Variants in BTNL9 observed in about 807,000 individuals in gnomAD.
The protein encoded by BTNL9 is butyrophilin-like protein 9.
In BTNL9, 45 loss-of-function variants were observed where a neutral mutation model predicts 45.8. The ratio of observed to expected loss-of-function variants is 0.98; its 90% CI spans 0.77 to 1.26. The LOEUF is 1.26. Ranked by LOEUF, BTNL9 falls within the 50% of genes most tolerant of loss-of-function variation. The pLI is 0.00. For missense variants in BTNL9, 784 were observed against 729.7 expected, an observed-to-expected ratio of 1.07 and a Z score of -0.86; for synonymous variants, 346 against 330.8, an observed-to-expected ratio of 1.05 and a Z score of -0.50.
rs990760934 is a variant in BTNL9, at chr5:181,042,051, C to G, written c.-24+1619C>G. ...AAACATCAGGGTTGTTTAGGAATTG[C>G]AGGTGCAGGAGGAGAGAACAGGAGT... On this transcript the variant is annotated intron_variant, in intron 1 of 10. Transcript: ENST00000327705. This position sits in a 1 kb window ranked among gnomAD's most constrained non-coding sequence, Gnocchi z 4.5. 7.9e-5 allele frequency among the ~76,000 whole-genome samples: 12 copies of G among 152,112 alleles called. No homozygotes were observed. Among genetic ancestry groups the G allele is most frequent in the African/African-American group, 2.7e-4 (11 of 41,422 alleles).
Position 181,055,758 on chromosome 5 carries a change from G to A in BTNL9, c.929-231G>A. ...CACTCCAGCCTGGGCGACAGAGCGA[G>A]ACTCTGTCTCAAAAAAAAAAAGAAC... On this transcript the variant is annotated intron_variant, in intron 8 of 10. Transcript: ENST00000327705. The surrounding 1 kb of genome is among the most constrained non-coding windows in gnomAD (Gnocchi z 4.4). 2 of 710,244 alleles carry A rather than the reference G, an allele frequency of 2.8e-6. No individual in the cohort carries two copies. The highest frequency in any genetic ancestry group is 5.1e-6 in the Non-Finnish European group (2 of 392,314). The allele number at this position is 710,244 out of a possible 1,614,324, so 44.0% of individuals were successfully genotyped here. A position where few individuals can be genotyped will look rare whatever the true frequency, so the allele number is the denominator to read the frequency against.
In BTNL9 at chr5:181,059,916, A is replaced by G; in HGVS notation, c.*54A>G. On this transcript the variant is annotated 3_prime_UTR_variant, in exon 11 of 11. Transcript: ENST00000327705. Reference sequence around the variant, plus strand: ...CGGGGGGCCCCCTGGATCCCAGGCCAGCGCTTTGCTCTCCTGCTCCGTCTG... The same window carrying G: ...CGGGGGGCCCCCTGGATCCCAGGCCGGCGCTTTGCTCTCCTGCTCCGTCTG... 7.0e-7 allele frequency: 1 copy of G among 1,435,000 alleles called. No individual in the cohort carries two copies. The highest frequency in any genetic ancestry group is 9.3e-7 in the Non-Finnish European group (1 of 1,079,598). 88.9% of individuals were successfully genotyped at this position (1,435,000 alleles called of 1,614,324 possible).
chr5:181,053,752 T>G lies in BTNL9; in HGVS notation c.886+251T>G. 6.6e-7 allele frequency: 1 copy of G among 1,513,952 alleles called. No homozygotes were observed. The highest frequency in any genetic ancestry group is 1.4e-5 in the African/African-American group (1 of 72,382). The allele number at this position is 1,513,952 out of a possible 1,614,324, so 93.8% of individuals were successfully genotyped here. On this transcript the variant is annotated intron_variant, in intron 6 of 10. Transcript: ENST00000327705. The surrounding 1 kb of genome is among the most constrained non-coding windows in gnomAD (Gnocchi z 6.5). ...TGTCAGGGTTGACCGGCTGCTGTCG[T>G]TACGCCCTCGGAGCTTCACATCACA...
At position 181,048,270 on chromosome 5, in the gene BTNL9, A is replaced by G; in HGVS notation, c.453A>G (p.Ala151=). The G allele has an allele frequency of 1.2e-6, 2 of 1,607,896 alleles. No homozygotes were observed. Among genetic ancestry groups the G allele is most frequent in the South Asian group, 1.1e-5 (1 of 90,580 alleles). Residue 151 remains alanine, a splice_region_variant and synonymous_variant, in exon 3 of 11, where the codon GCA becomes GCG. Coordinates refer to ENST00000327705, the MANE Select transcript of BTNL9 (RefSeq NM_152547.5). The part of the protein sequence containing the change: ...SGEALWELEV[A]GLGSDPHLSL... Reference sequence around the variant, plus strand: ...AAGCTCTCTGGGAACTGGAGGTAGCAGGTGCGTGGACTGACCTAAGGCCCT... The same window carrying G: ...AAGCTCTCTGGGAACTGGAGGTAGCGGGTGCGTGGACTGACCTAAGGCCCT...
intron 3 of BTNL9, among the ~76,000 whole-genome samples, chr5:181,049,734 GAGA>G (rs1237399655): frequency 6.6e-6 from 1 of 152,180 alleles, no homozygotes; most frequent in African/African-American, 2.4e-5. Flanking sequence ...GGGAATTCAA[GAGA>G]AGGAGAAGAG....
Position 181,059,523 on chromosome 5 carries a change from G to A in BTNL9, c.1269G>A (p.Gly423=). 6.2e-7 allele frequency: 1 copy of A among 1,604,818 alleles called. No homozygotes were observed. Among genetic ancestry groups the A allele is most frequent in the Non-Finnish European group, 8.5e-7 (1 of 1,177,950 alleles). The part of the protein sequence containing the change: ...LSPAAGYWVL[G]LWNGCEYFVL... ...CTGCGGCCGGCTACTGGGTGCTGGG[G>A]CTGTGGAACGGCTGCGAGTACTTCG... The change falls in exon 11 of 11, where the codon GGG becomes GGA. Residue 423 remains glycine, a synonymous_variant. Transcript: ENST00000327705.
rs1487619610 is a variant in BTNL9 at position 181,050,410 on chromosome 5, T to A, written c.736+41T>A. On this transcript the variant is annotated intron_variant, in intron 4 of 10. Transcript: ENST00000327705. This position sits in a 1 kb window ranked among gnomAD's most constrained non-coding sequence, Gnocchi z 4.9. The stretch of plus-strand genomic sequence containing the variant: ...CTCACACCCATCTTCCTAGTCCTCA[T>A]GTGTACATACACATTGGCCCAAAGG... 1.9e-6 allele frequency: 3 copies of A among 1,601,442 alleles called. No individual in the cohort carries two copies. The highest frequency in any genetic ancestry group is 2.6e-6 in the Non-Finnish European group (3 of 1,172,420).
rs1228692728 is a variant in BTNL9 at position 181,059,355 on chromosome 5, C to T, written c.1101C>T (p.Phe367=). 5.2e-6 allele frequency: 8 copies of T among 1,542,196 alleles called. No individual in the cohort carries two copies. The Admixed American group carries it at 9.8e-5, about 19-fold the overall frequency. Residue 367 remains phenylalanine, a synonymous_variant, in exon 11 of 11, where the codon TTC becomes TTT. Transcript: ENST00000327705. The part of the protein sequence containing the change: ...PGPAPGHPQR[F]SEQTCALSLE... ...CGGCGCCTGGCCACCCGCAGCGGTT[C>T]TCGGAGCAGACGTGCGCGCTGAGCC...
At chr5:181,056,659 T>A (rs1761900868) in intron 9 of BTNL9, 1 of 716,310 alleles carries the variant, frequency 1.4e-6, no homozygotes, top group South Asian at 1.5e-5. Context: ...GAGATTTCTC[T>A]GGGGTATATA....
Position 181,045,155 on chromosome 5 carries a change from A to G in BTNL9, c.-23-312A>G, listed in dbSNP as rs192222000. ...AAGGGGGGGCGCTGAGCCCCCACAC[A>G]TTGTGTGGCTCTATTCCTGGCTCTA... On this transcript the variant is annotated intron_variant, in intron 1 of 10. Transcript: ENST00000327705. 1.3e-3 allele frequency among the ~76,000 whole-genome samples: 202 copies of G among 152,340 alleles called. 1 individual carries two copies. Among genetic ancestry groups the G allele is most frequent in the African/African-American group, 4.4e-3 (184 of 41,570 alleles).
chr5:181,057,818 T>C (rs1403452168), intron 9 of BTNL9, among the ~76,000 whole-genome samples: 3 of 152,230 alleles, frequency 2.0e-5, no homozygotes, highest in Admixed American at 6.5e-5. Flanking sequence ...TATCTGGAGC[T>C]CTGAGAACGT....
intron 3 of BTNL9, among the ~76,000 whole-genome samples, chr5:181,048,659 C>A (rs1405390144): frequency 2.0e-5 from 3 of 149,832 alleles, no homozygotes; most frequent in Non-Finnish European, 4.4e-5. Flanking sequence ...GATCTGGCTG[C>A]AGTGAGCTTG....
At chr5:181,041,824 T>C (rs747841586) in intron 1 of BTNL9, among the ~76,000 whole-genome samples, 35 of 152,258 alleles carry the variant, frequency 2.3e-4, no homozygotes, top group South Asian at 2.1e-4. Flanking sequence ...TTTCATTTGA[T>C]GCTTTTCTTG....
rs759980197 is a variant in BTNL9 at position 181,053,321 on chromosome 5, C to G, written c.853+5C>G. 2.7e-4 allele frequency: 410 copies of G among 1,544,778 alleles called. No individual in the cohort carries two copies. The highest frequency in any genetic ancestry group is 3.3e-4 in the Non-Finnish European group (377 of 1,147,250). On this transcript the variant is annotated splice_donor_5th_base_variant and intron_variant, in intron 5 of 10. Transcript: ENST00000327705. The surrounding 1 kb of genome is among the most constrained non-coding windows in gnomAD (Gnocchi z 6.5). Reference sequence around the variant, plus strand: ...GGAAGCAGCGGAGAAGCCGAGGTACCGGCGCGGGCGGCGGGGCGGGGAGGG... The same window carrying G: ...GGAAGCAGCGGAGAAGCCGAGGTACGGGCGCGGGCGGCGGGGCGGGGAGGG...
rs930669905 is a variant in BTNL9, at chr5:181,053,461, C to G, written c.854-8C>G. On this transcript the variant is annotated splice_polypyrimidine_tract_variant and splice_region_variant and intron_variant, in intron 5 of 10. Coordinates refer to ENST00000327705, the MANE Select transcript of BTNL9 (RefSeq NM_152547.5). The surrounding 1 kb of genome is among the most constrained non-coding windows in gnomAD (Gnocchi z 6.5). ...CACTCAGCCCTCTCCGCTCCCGTTT[C>G]CCTTCAGAAAAGCTGAGGAAGCAGG... is the stretch of plus-strand genomic sequence containing the variant. 2 of 1,571,422 alleles carry G rather than the reference C, an allele frequency of 1.3e-6. No homozygotes were observed. Among genetic ancestry groups the G allele is most frequent in the Non-Finnish European group, 1.7e-6 (2 of 1,158,898 alleles).
chr5:181,056,884 G>A (rs547916789), intron 9 of BTNL9: 1 of 439,674 alleles, frequency 2.3e-6, no homozygotes, highest in Admixed American at 4.0e-5. Flanking sequence ...TGAGAAGATT[G>A]AGCATCTCTG....
chr5:181,059,220 G>C lies in BTNL9; in HGVS notation c.983-17G>C. 6.6e-7 allele frequency: 1 copy of C among 1,521,038 alleles called. No individual in the cohort carries two copies. Among genetic ancestry groups the C allele is most frequent in the Non-Finnish European group, 8.7e-7 (1 of 1,143,156 alleles). 94.2% of individuals were successfully genotyped at this position (1,521,038 alleles called of 1,614,324 possible). On this transcript the variant is annotated splice_polypyrimidine_tract_variant and intron_variant, in intron 10 of 10. Transcript: ENST00000327705. The stretch of plus-strand genomic sequence containing the variant: ...CAGACCGTCCCGGGCGGGCACTAAC[G>C]CTGTGGCTCTGCGCAGTGGATGTGA...
chr5:181,054,936 T>A (rs866447174), intron 7 of BTNL9: 5 of 985,478 alleles, frequency 5.1e-6, no homozygotes, highest in Middle Eastern at 1.0e-3. Context: ...GAGCTTGACA[T>A]TGGGTGGACA....
chr5:181,057,433 C>G (rs1761939875), intron 9 of BTNL9, among the ~76,000 whole-genome samples: 1 of 152,208 alleles, frequency 6.6e-6, no homozygotes. Context: ...CCAGGGCTGC[C>G]ACTGATGTGG....
Sources: gnomAD v4.1 joint callset for allele counts (sites outside exome capture counted in the v4.1 genomes callset) on GRCh38, gnomAD v4.1.1 for gene constraint, Gnocchi (gnomAD v3.1) non-coding constraint, MANE v1.5 for transcripts, NCBI Gene and HGNC (gene_info 2026-07-23, HGNC 2026-07-21) for gene names.